The following SCAPER variants were observed in gnomAD, a reference collection of about 807,000 sequenced individuals.
The protein encoded by SCAPER is S phase cyclin A-associated protein in the endoplasmic reticulum.
A neutral mutation model predicts 182.2 loss-of-function variants in SCAPER; 98 were observed. The observed-to-expected ratio is 0.54, with a 90% CI of 0.46 to 0.64. The LOEUF (loss-of-function observed/expected upper bound fraction) is 0.64. Ranked by LOEUF, SCAPER falls within the 30% of genes least tolerant of loss-of-function variation. The probability of loss-of-function intolerance (pLI) is 0.00; values close to 1 mark genes in which losing one functional copy is unlikely to be tolerated. For missense variants in SCAPER, 1,432 were observed against 1,690.0 expected (o/e 0.85, Z 2.68); for synonymous variants, 605 against 564.6 (o/e 1.07, Z -1.01).
chr15:76,579,875 C>T (rs1399754926), intron 22 of SCAPER, among the ~76,000 whole-genome samples: 2 of 151,984 alleles, frequency 1.3e-5, no homozygotes, highest in African/African-American at 2.4e-5. Context: ...AGTAGCTATA[C>T]TTATGTCAGA....
chr15:76,662,398 C>A (rs2056262336), intron 21 of SCAPER, among the ~76,000 whole-genome samples: 1 of 151,992 alleles, frequency 6.6e-6, no homozygotes, highest in African/African-American at 2.4e-5. Flanking sequence ...AAGTAAAAAA[C>A]TGATCCTACT....
At chr15:76,471,793 A>G (rs117988847) in intron 24 of SCAPER, among the ~76,000 whole-genome samples, 312 of 152,310 alleles carry the variant, frequency 2.0e-3, no homozygotes, top group Non-Finnish European at 3.6e-3. Context: ...TCCATGTAAG[A>G]TAAGACCCCG....
intron 21 of SCAPER, among the ~76,000 whole-genome samples, chr15:76,662,115 A>G (rs1445919421): frequency 6.6e-6 from 1 of 152,178 alleles, no homozygotes; most frequent in African/African-American, 2.4e-5. Flanking sequence ...CTCACTCGTA[A>G]GTGGGAGCTG....
At chr15:76,421,568 G>C (rs1300408887) in intron 26 of SCAPER, among the ~76,000 whole-genome samples, 1 of 151,980 alleles carries the variant, frequency 6.6e-6, no homozygotes, top group Non-Finnish European at 1.5e-5. Flanking sequence ...CCATTCTGTA[G>C]GTTGCCTGTT....
chr15:76,561,006 C>T (rs1019850915), intron 23 of SCAPER, among the ~76,000 whole-genome samples: 2 of 152,058 alleles, frequency 1.3e-5, no homozygotes, highest in African/African-American at 2.4e-5. Flanking sequence ...GATCCATACA[C>T]GGGCAATTTC....
intron 24 of SCAPER, among the ~76,000 whole-genome samples, chr15:76,473,159 G>A (rs571882629): frequency 1.4e-4 from 21 of 152,290 alleles, no homozygotes; most frequent in Middle Eastern, 3.4e-3. Flanking sequence ...TGCTAAAGTT[G>A]AAATGTCAAC....
In SCAPER at chr15:76,574,195, C is replaced by A; in HGVS notation, c.2801G>T (p.Arg934Leu). The A allele has an allele frequency of 5.6e-6, 9 of 1,609,390 alleles. No individual in the cohort carries two copies. The highest frequency in any genetic ancestry group is 6.8e-6 in the Non-Finnish European group (8 of 1,177,972). ...WANNKVSALD[R>L]TLGEITRILE... ...TATTCTAGTGATCTCTCCTAGGGTC[C>A]GATCCAAAGCAGACACTTTATTGTT... Residue 934 changes from arginine (R) to leucine (L), a missense_variant, in exon 23 of 32, where the codon CGG (arginine) becomes CTG (leucine). Transcript: ENST00000563290.
At chr15:76,462,639 G>C (rs749239235) in intron 25 of SCAPER, among the ~76,000 whole-genome samples, 5 of 152,152 alleles carry the variant, frequency 3.3e-5, no homozygotes, top group African/African-American at 9.7e-5. Context: ...GAAGGTACAA[G>C]TGTCAGCTTC....
chr15:76,382,294 A>C (rs950931385), intron 27 of SCAPER, among the ~76,000 whole-genome samples: 1 of 152,174 alleles, frequency 6.6e-6, no homozygotes, highest in Non-Finnish European at 1.5e-5. Context: ...TCCTAAAATC[A>C]ATAGTAAAGC....
In SCAPER at chr15:76,649,385, A is replaced by C. The variant is rs1186722349; in HGVS notation, c.2645+16268T>G. On this transcript the variant is annotated intron_variant, in intron 21 of 31. Coordinates refer to ENST00000563290, the MANE Select transcript of SCAPER (RefSeq NM_020843.4). ...GTTGAGGCTACAATGAGCTGGGATC[A>C]TGCCACTGCATTCCAGCCTAGGCGA... is the stretch of plus-strand genomic sequence containing the variant. Among the ~76,000 whole-genome samples the C allele has an allele frequency of 2.0e-5, 3 of 152,152 alleles. No homozygotes were observed. In the South Asian group the frequency reaches 6.2e-4, roughly 32 times the overall value.
At chr15:76,416,367 T>C (rs895175954) in intron 26 of SCAPER, among the ~76,000 whole-genome samples, 2 of 151,480 alleles carry the variant, frequency 1.3e-5, no homozygotes, top group South Asian at 2.1e-4. Flanking sequence ...CACATGCTTG[T>C]AATCCCAGCT....
intron 25 of SCAPER, among the ~76,000 whole-genome samples, chr15:76,440,925 T>TTTTTTTTTTTTTTTTTTC: frequency 7.4e-6 from 1 of 135,482 alleles, no homozygotes; most frequent in African/African-American, 2.9e-5. Context: ...TTTGTTTTTT[T>TTTTTTTTTTTTTTTTTTC]TTTTTTTTTT....
chr15:76,855,809 C>A, intron 4 of SCAPER: 2 of 405,028 alleles, frequency 4.9e-6, no homozygotes, highest in South Asian at 1.8e-5. Flanking sequence ...AGAATACTTA[C>A]ACGCTATTGC....
chr15:76,465,337 G>C (rs986136534), intron 25 of SCAPER, among the ~76,000 whole-genome samples: 3 of 152,054 alleles, frequency 2.0e-5, no homozygotes, highest in Non-Finnish European at 4.4e-5. Flanking sequence ...CTTTTATAAG[G>C]GTTCTGAAAG....
At chr15:76,448,514 T>G (rs1352030028) in intron 25 of SCAPER, among the ~76,000 whole-genome samples, 1 of 152,142 alleles carries the variant, frequency 6.6e-6, no homozygotes, top group Admixed American at 6.5e-5. Context: ...TTGAAGATGC[T>G]GACTTGGGAC....
chr15:76,382,379 A>T lies in SCAPER; in HGVS notation c.3468-764T>A, dbSNP rs555229186. 2.5e-4 allele frequency among the ~76,000 whole-genome samples: 36 copies of T among 146,806 alleles called. No homozygotes were observed. In the South Asian group the frequency reaches 6.0e-3, roughly 24 times the overall value. On this transcript the variant is annotated intron_variant, in intron 27 of 31. Transcript: ENST00000563290. ...TTTTTTTCTTTTATTTTTTTTTTTT[A>T]ATTTTTCCCTTCTTTTCACAGGTGT...
rs558217208 is a variant in SCAPER at position 76,355,920 on chromosome 15, T to C, written c.3856-1780A>G. On this transcript the variant is annotated intron_variant, in intron 29 of 31. Coordinates refer to ENST00000563290, the MANE Select transcript of SCAPER (RefSeq NM_020843.4). ...AAGCCATTACTTTTAAATCCCTGGA[T>C]TGCAGAAGATGCAAATGGATGTAGG... Among the ~76,000 whole-genome samples, 4 of 152,346 alleles carry C rather than the reference T, an allele frequency of 2.6e-5. No individual in the cohort carries two copies. The South Asian group carries it at 6.2e-4, about 24-fold the overall frequency.
intron 5 of SCAPER, among the ~76,000 whole-genome samples, chr15:76,820,734 TATA>T (rs769701135): frequency 4.8e-4 from 72 of 150,490 alleles, no homozygotes; most frequent in African/African-American, 1.6e-3. Flanking sequence ...AAACTTAAAG[TATA>T]ATAATAATAA....
chr15:76,572,297 C>G (rs1173282078), intron 23 of SCAPER, among the ~76,000 whole-genome samples: 1 of 152,172 alleles, frequency 6.6e-6, no homozygotes, highest in Non-Finnish European at 1.5e-5. Context: ...GTACTCTATA[C>G]TTTACAAAAA....
Sources: gnomAD v4.1 joint callset for allele counts (sites outside exome capture counted in the v4.1 genomes callset) on GRCh38, gnomAD v4.1.1 for gene constraint, MANE v1.5 for transcripts, NCBI Gene and HGNC (gene_info 2026-07-23, HGNC 2026-07-21) for gene names.